The following MEGF6 variants were observed in gnomAD, a reference collection of about 807,000 sequenced individuals.
MEGF6 encodes multiple EGF like domains 6.
MEGF6 carries 184 observed loss-of-function variants against 207.1 expected under a neutral mutation model. The observed-to-expected ratio is 0.89, with a 90% CI of 0.79 to 1.00. MEGF6 has a LOEUF of 1.00. MEGF6 is among the 50% of genes least tolerant of loss of function. The pLI is 0.00. For missense variants in MEGF6, 2,282 were observed against 2,202.9 expected (o/e 1.04, Z -0.72); for synonymous variants, 1,038 against 910.0 (o/e 1.14, Z -2.53).
rs139010481 is a variant in MEGF6 at position 3,509,014 on chromosome 1, G to A, written c.1528+61C>T. 7.1e-4 allele frequency: 1,026 copies of A among 1,449,316 alleles called. 1 individual carries two copies. Among genetic ancestry groups the A allele is most frequent in the Non-Finnish European group, 8.5e-4 (933 of 1,094,624 alleles). 89.8% of individuals were successfully genotyped at this position (1,449,316 alleles called of 1,614,324 possible). A position where few individuals can be genotyped will look rare whatever the true frequency, so the allele number is the denominator to read the frequency against. Reference sequence around the variant, plus strand: ...CTCTGATTGGATGGCAGCCTAGCCCGAGGGGTCGCTGGCTGCTGGCCCTGC... The same window carrying A: ...CTCTGATTGGATGGCAGCCTAGCCCAAGGGGTCGCTGGCTGCTGGCCCTGC... On this transcript the variant is annotated intron_variant, in intron 12 of 36. Transcript: ENST00000356575.
At chr1:3,492,865 G>A in intron 34 of MEGF6, 98 bp from the exon 35 acceptor site, 3 of 1,494,264 alleles carry the variant, frequency 2.0e-6, no homozygotes, top group Non-Finnish European at 1.8e-6. Flanking sequence ...GAGCCCAGGT[G>A]GAGTGAAGCC....
At chr1:3,502,574 G>A (rs1159699883) in intron 17 of MEGF6, among the ~76,000 whole-genome samples, 1 of 152,126 alleles carries the variant, frequency 6.6e-6, no homozygotes, top group African/African-American at 2.4e-5. Context: ...GAGGCCTAGG[G>A]TCCCCCCTGC....
intron 7 of MEGF6, among the ~76,000 whole-genome samples, chr1:3,512,511 CCCA>C (rs1345958844): frequency 2.0e-5 from 3 of 152,222 alleles, no homozygotes; most frequent in African/African-American, 7.2e-5. Flanking sequence ...TCCCACAGTT[CCCA>C]CGTGTGGTGG....
Position 3,500,992 on chromosome 1 carries a change from C to T in MEGF6, c.2549G>A (p.Gly850Glu), listed in dbSNP as rs1640836326. 6.2e-7 allele frequency: 1 copy of T among 1,612,210 alleles called. No individual in the cohort carries two copies. The highest frequency in any genetic ancestry group is 8.5e-7 in the Non-Finnish European group (1 of 1,179,964). Residue 850 changes from glycine (G) to glutamate (E), a missense_variant, in exon 20 of 37, where the codon GGG (glycine) becomes GAG (glutamate). Gly to Glu is a moderately conservative substitution (Grantham distance 98). Transcript: ENST00000356575. Reference protein sequence around the residue: ...PATGHCSCAPGWTGFSCQRAC... With the variant: ...PATGHCSCAPEWTGFSCQRAC... ...TCTCTGGCAGCTAAAGCCGGTCCAC[C>T]CGGGGGCACAGCTGCAGTGTCCGGT...
intron 2 of MEGF6, among the ~76,000 whole-genome samples, chr1:3,596,459 C>A (rs562228020): frequency 1.7e-4 from 25 of 145,082 alleles, no homozygotes; most frequent in South Asian, 2.2e-4. Context: ...CCCTGCCAAG[C>A]CCCCATCTCC....
chr1:3,500,993 C>A lies in MEGF6; in HGVS notation c.2548G>T (p.Gly850Trp). The A allele has an allele frequency of 6.2e-7, 1 of 1,612,202 alleles. No homozygotes were observed. Among genetic ancestry groups the A allele is most frequent in the Admixed American group, 1.7e-5 (1 of 60,006 alleles). Residue 850 changes from glycine to tryptophan, a missense_variant, in exon 20 of 37, where the codon GGG (glycine) becomes TGG (tryptophan). Coordinates refer to ENST00000356575, the MANE Select transcript of MEGF6 (RefSeq NM_001409.4). ...PATGHCSCAP[G>W]WTGFSCQRAC... ...CTCTGGCAGCTAAAGCCGGTCCACC[C>A]GGGGGCACAGCTGCAGTGTCCGGTG...
chr1:3,528,661 G>A (rs922814472), intron 4 of MEGF6, among the ~76,000 whole-genome samples: 1 of 152,148 alleles, frequency 6.6e-6, no homozygotes, highest in Non-Finnish European at 1.5e-5. Flanking sequence ...ATGTGAGCGT[G>A]GAAGCAGAGG....
Position 3,611,495 on chromosome 1 carries a change from G to T in MEGF6, c.-227C>A. 1 of 510,622 alleles carries T rather than the reference G, an allele frequency of 2.0e-6. No homozygotes were observed. Among genetic ancestry groups the T allele is most frequent in the Non-Finnish European group, 3.1e-6 (1 of 318,192 alleles). 31.6% of individuals were successfully genotyped at this position (510,622 alleles called of 1,614,324 possible). A position where few individuals can be genotyped will look rare whatever the true frequency, so the allele number is the denominator to read the frequency against. ...CCACCCTGCAGGAACTCGCCCCGGCGCGTTGAGCACAGTGCCCCGGACTCA... is the reference window on the plus strand; with the variant it reads ...CCACCCTGCAGGAACTCGCCCCGGCTCGTTGAGCACAGTGCCCCGGACTCA... On this transcript the variant is annotated 5_prime_UTR_variant, in exon 1 of 37. Transcript: ENST00000356575.
chr1:3,558,711 C>T (rs995281573), intron 4 of MEGF6, among the ~76,000 whole-genome samples: 2 of 152,206 alleles, frequency 1.3e-5, no homozygotes, highest in African/African-American at 4.8e-5. Flanking sequence ...CTCTTGCGAT[C>T]GTGATGGATG....
chr1:3,546,562 G>A (rs1418751296), intron 4 of MEGF6, among the ~76,000 whole-genome samples: 1 of 151,140 alleles, frequency 6.6e-6, no homozygotes, highest in African/African-American at 2.4e-5. Flanking sequence ...CTGGGAAGGG[G>A]GCTGCCAGGG....
At chr1:3,512,718 C>T (rs1003086330) in intron 7 of MEGF6, among the ~76,000 whole-genome samples, 6 of 152,204 alleles carry the variant, frequency 3.9e-5, no homozygotes, top group African/African-American at 1.2e-4. Context: ...ATTGTGAGGC[C>T]GCCCCAAGCC....
intron 4 of MEGF6, among the ~76,000 whole-genome samples, chr1:3,533,633 G>A (rs1255797437): frequency 2.0e-5 from 3 of 152,336 alleles, no homozygotes; most frequent in South Asian, 2.1e-4. Flanking sequence ...CACGGGCTGC[G>A]GAGGCAGCAT....
chr1:3,496,606 C>T (rs1640614376), intron 29 of MEGF6, 49 bp downstream of exon 29: 1 of 1,556,800 alleles, frequency 6.4e-7, no homozygotes, highest in African/African-American at 1.4e-5. Context: ...TGGCCCTACC[C>T]TGGAGACACA....
chr1:3,495,733 A>G (rs374190551), intron 30 of MEGF6, among the ~76,000 whole-genome samples, 157 bp downstream of exon 30: 1 of 152,208 alleles, frequency 6.6e-6, no homozygotes, highest in African/African-American at 2.4e-5. Context: ...CACAAGCTAC[A>G]GCACTCTCAT....
In MEGF6 at chr1:3,595,351, C is replaced by T. The variant is rs756753230; in HGVS notation, c.363G>A (p.Glu121=). Reference sequence around the variant, plus strand: ...GGCGGCACTCACCCGAGAGGCAGCCCTCCTCGTCGGGCTGCTGCATCCACC... The same window carrying T: ...GGCGGCACTCACCCGAGAGGCAGCCTTCCTCGTCGGGCTGCTGCATCCACC... ...CRGWMQQPDE[E]GCLSAECSAS... Residue 121 remains glutamate, a synonymous_variant, in exon 3 of 37, where the codon GAG becomes GAA. Transcript: ENST00000356575. The T allele has an allele frequency of 1.5e-5, 24 of 1,612,038 alleles. No homozygotes were observed. The highest frequency in any genetic ancestry group is 1.6e-4 in the Middle Eastern group (1 of 6,078).
Position 3,584,979 on chromosome 1 carries a change from G to A in MEGF6, c.377-5050C>T, listed in dbSNP as rs188768971. Among the ~76,000 whole-genome samples the A allele has an allele frequency of 5.2e-3, 799 of 152,396 alleles. 8 individuals are homozygous for A. Among genetic ancestry groups the A allele is most frequent in the Middle Eastern group, 0.014 (4 of 294 alleles). Reference sequence around the variant, plus strand: ...GGGAACAGAAGGAGGTTCTGGGCCAGGTGTGAGGATGGAGCTGCAGCCATG... The same window carrying A: ...GGGAACAGAAGGAGGTTCTGGGCCAAGTGTGAGGATGGAGCTGCAGCCATG... On this transcript the variant is annotated intron_variant, in intron 3 of 36. Coordinates refer to ENST00000356575, the MANE Select transcript of MEGF6 (RefSeq NM_001409.4).
At chr1:3,621,810 G>A in the MEGF6 span, among the ~76,000 whole-genome samples, 2 of 152,234 alleles carry the variant, frequency 1.3e-5, no homozygotes, top group African/African-American at 2.4e-5. Context: ...GGCCCTGGAT[G>A]TGAGACATGC....
intron 3 of MEGF6, among the ~76,000 whole-genome samples, chr1:3,591,800 GGGGGC>G (rs1192383213): frequency 1.0e-5 from 1 of 99,822 alleles, no homozygotes; most frequent in Non-Finnish European, 2.2e-5. Context: ...GGGACCGGAT[GGGGGC>G]ACCAGCGAGG....
chr1:3,575,547 A>C (rs562534424), intron 4 of MEGF6, among the ~76,000 whole-genome samples: 5 of 152,196 alleles, frequency 3.3e-5, no homozygotes, highest in Non-Finnish European at 5.9e-5. Context: ...GCAATTTACA[A>C]AAGAAAGAGG....
Sources: allele counts gnomAD v4.1 joint callset (sites outside exome capture counted in the v4.1 genomes callset), GRCh38; gene constraint gnomAD v4.1.1; transcripts MANE v1.5; gene names NCBI Gene and HGNC (gene_info 2026-07-23, HGNC 2026-07-21).